RANBP2: variants seen among roughly 807,000 people sequenced by gnomAD.
RANBP2 encodes the protein E3 SUMO-protein ligase RanBP2.
A neutral mutation model predicts 303.6 loss-of-function variants in RANBP2; 57 were observed. That is an observed-to-expected ratio of 0.19 (90% confidence interval 0.15 to 0.23). The LOEUF (loss-of-function observed/expected upper bound fraction) is 0.23. Among genes scored for constraint, RANBP2 ranks in the 10% least tolerant of loss-of-function variants. The pLI, the probability that RANBP2 is intolerant of heterozygous loss-of-function variation, is 1.00. For missense variants in RANBP2, 3,138 were observed against 3,780.8 expected (o/e 0.83, Z 4.46); for synonymous variants, 1,167 against 1,301.5 (o/e 0.90, Z 2.23).
the RANBP2 span, chr2:108,989,021 G>GT: frequency 2.0e-5 from 3 of 152,340 alleles, no homozygotes; most frequent in Non-Finnish European, 4.4e-5. Flanking sequence ...AGAAAGTCAG[G>GT]TACCATCCAG....
At chr2:109,203,714 A>G in the RANBP2 span, among the ~76,000 whole-genome samples, 5 of 152,036 alleles carry the variant, frequency 3.3e-5, no homozygotes, top group African/African-American at 7.2e-5. Context: ...CTGGAGCCCC[A>G]TCTTCTCTCC....
At chr2:109,230,164 T>C in the RANBP2 span, among the ~76,000 whole-genome samples, 1,120 of 152,262 alleles carry the variant, frequency 7.4e-3, 9 homozygotes, top group South Asian at 0.024. Context: ...TATTCCGTCG[T>C]ATGGATATAC....
At chr2:109,736,102 C>G in the RANBP2 span, among the ~76,000 whole-genome samples, 2 of 152,196 alleles carry the variant, frequency 1.3e-5, no homozygotes, top group Non-Finnish European at 2.9e-5. Context: ...ACCGTAAATT[C>G]TAAAACACAC....
chr2:109,455,581 A>G, the RANBP2 span, among the ~76,000 whole-genome samples: 1 of 152,242 alleles, frequency 6.6e-6, no homozygotes, highest in African/African-American at 2.4e-5. Flanking sequence ...ATTTTTCATG[A>G]AACCCCAGGA....
At chr2:108,858,972 T>C in the RANBP2 span, among the ~76,000 whole-genome samples, 1 of 152,208 alleles carries the variant, frequency 6.6e-6, no homozygotes, top group Non-Finnish European at 1.5e-5. Flanking sequence ...ATACAGCTGC[T>C]GCAATAAGCA....
At chr2:109,083,727 T>A in the RANBP2 span, among the ~76,000 whole-genome samples, 4 of 152,224 alleles carry the variant, frequency 2.6e-5, no homozygotes, top group South Asian at 2.1e-4. Context: ...AGAACCACCA[T>A]CCTGTTTTCT....
At chr2:109,735,797 A>T in the RANBP2 span, among the ~76,000 whole-genome samples, 1 of 152,346 alleles carries the variant, frequency 6.6e-6, no homozygotes, top group East Asian at 1.9e-4. Flanking sequence ...ATTGCCAAAG[A>T]GCAACTGATG....
chr2:109,472,533 A>C, the RANBP2 span, among the ~76,000 whole-genome samples: 1 of 152,332 alleles, frequency 6.6e-6, no homozygotes, highest in East Asian at 1.9e-4. Context: ...TTGCTGCCTC[A>C]GAAACCCCGA....
chr2:109,105,234 C>A, the RANBP2 span, among the ~76,000 whole-genome samples: 4 of 152,168 alleles, frequency 2.6e-5, no homozygotes, highest in Non-Finnish European at 4.4e-5. Context: ...AGAGGCAAAA[C>A]GGTGGAATTT....
the RANBP2 span, among the ~76,000 whole-genome samples, chr2:109,677,037 T>C: frequency 3.3e-5 from 5 of 152,170 alleles, no homozygotes; most frequent in Non-Finnish European, 7.4e-5. Flanking sequence ...AACTTCTCCA[T>C]GTTCAGAGGT....
chr2:108,856,643 G>C, the RANBP2 span: 1 of 669,638 alleles, frequency 1.5e-6, no homozygotes. Context: ...TGACAAATCA[G>C]TTAGAATCTA....
chr2:108,875,319 TAAAA>T, the RANBP2 span, among the ~76,000 whole-genome samples: 4,214 of 118,406 alleles, frequency 0.036, 141 homozygotes, highest in Non-Finnish European at 0.044. Flanking sequence ...TAAAGTATAA[TAAAA>T]AAAAAAAAAA....
the RANBP2 span, among the ~76,000 whole-genome samples, chr2:109,436,228 C>G: frequency 6.6e-6 from 1 of 152,220 alleles, no homozygotes; most frequent in Non-Finnish European, 1.5e-5. Flanking sequence ...TTCCAAACCC[C>G]TAACTCTGCC....
chr2:109,274,281 C>G, the RANBP2 span, among the ~76,000 whole-genome samples: 1,215 of 152,152 alleles, frequency 8.0e-3, 14 homozygotes, highest in African/African-American at 0.028. Context: ...AAGTGAATTC[C>G]TAGGTGTGTG....
chr2:108,823,034 A>G, the RANBP2 span, among the ~76,000 whole-genome samples: 1 of 152,238 alleles, frequency 6.6e-6, no homozygotes, highest in East Asian at 1.9e-4. Context: ...ATGCCAACAG[A>G]TAGCATCACA....
chr2:109,148,507 A>C, the RANBP2 span, among the ~76,000 whole-genome samples: 18 of 152,208 alleles, frequency 1.2e-4, no homozygotes, highest in Middle Eastern at 3.2e-3. Flanking sequence ...GGAAGAATGA[A>C]AGAAGGGTTG....
At chr2:109,663,298 A>G in the RANBP2 span, among the ~76,000 whole-genome samples, 1 of 152,192 alleles carries the variant, frequency 6.6e-6, no homozygotes, top group Non-Finnish European at 1.5e-5. Flanking sequence ...TGTACCTTGT[A>G]TATCTCTATT....
chr2:109,432,597 C>G, the RANBP2 span: 1 of 1,613,406 alleles, frequency 6.2e-7, no homozygotes. Context: ...GTCAGGATGG[C>G]TGGTTCAAGG....
At chr2:108,927,613 T>C in the RANBP2 span, among the ~76,000 whole-genome samples, 32 of 152,180 alleles carry the variant, frequency 2.1e-4, no homozygotes, top group Non-Finnish European at 2.9e-4. Context: ...ACCCACCCTC[T>C]CCCTGCAGTA....
Sources: allele counts gnomAD v4.1 joint callset (sites outside exome capture counted in the v4.1 genomes callset), GRCh38; gene constraint gnomAD v4.1.1; transcripts MANE v1.5; gene names NCBI Gene and HGNC (gene_info 2026-07-23, HGNC 2026-07-21).